OPHN1: variants seen among roughly 807,000 people sequenced by gnomAD.
OPHN1 encodes the protein oligophrenin 1.
A neutral mutation model predicts 60.7 loss-of-function variants in OPHN1; 11 were observed. The observed-to-expected ratio is 0.18, with a 90% CI of 0.11 to 0.30. The LOEUF (loss-of-function observed/expected upper bound fraction) is 0.30, where lower values mean the gene tolerates loss of function less well. Among genes scored for constraint, OPHN1 ranks in the 10% least tolerant of loss-of-function variants. The pLI, the probability that OPHN1 is intolerant of heterozygous loss-of-function variation, is 1.00. For missense variants in OPHN1, 449 were observed against 611.0 expected (o/e 0.73, Z 2.80); for synonymous variants, 226 against 222.6 (o/e 1.02, Z -0.14).
chrX:68,117,060 C>A (rs551451045), intron 16 of OPHN1, among the ~76,000 whole-genome samples: 9 of 111,558 alleles, frequency 8.1e-5, no homozygotes, highest in African/African-American at 2.9e-4. Context: ...TGTTTAAAAT[C>A]TTTCAATATA....
At chrX:68,409,216 G>T (rs1353691393) in intron 2 of OPHN1, among the ~76,000 whole-genome samples, 2 of 111,523 alleles carry the variant, frequency 1.8e-5, no homozygotes, top group African/African-American at 6.5e-5. Context: ...GGCACCAAAA[G>T]GTGAACTGTA....
At chrX:68,392,664 C>T (rs913663094) in intron 2 of OPHN1, among the ~76,000 whole-genome samples, 1 of 109,703 alleles carries the variant, frequency 9.1e-6, no homozygotes, top group South Asian at 4.0e-4. Flanking sequence ...CATATAAACC[C>T]TGATCTCCAG....
At chrX:68,140,706 CT>C (rs767210569) in intron 15 of OPHN1, among the ~76,000 whole-genome samples, 1 of 109,842 alleles carries the variant, frequency 9.1e-6, no homozygotes, top group East Asian at 2.9e-4. Flanking sequence ...AAATAATTGC[CT>C]TTTTGTCCTA....
chrX:68,342,364 A>C (rs2147693115), intron 2 of OPHN1, among the ~76,000 whole-genome samples: 1 of 111,622 alleles, frequency 9.0e-6, no homozygotes, highest in Admixed American at 9.6e-5. Flanking sequence ...AAAATGTAAT[A>C]TGTTATTTGA....
At chrX:68,223,684 A>G (rs1248035964) in intron 6 of OPHN1, among the ~76,000 whole-genome samples, 1 of 111,535 alleles carries the variant, frequency 9.0e-6, no homozygotes, top group Non-Finnish European at 1.9e-5. Flanking sequence ...TTATACCCCT[A>G]AACCTATTGA....
intron 15 of OPHN1, among the ~76,000 whole-genome samples, chrX:68,128,208 C>T (rs1017111652): frequency 5.5e-5 from 6 of 109,910 alleles, no homozygotes; most frequent in Non-Finnish European, 9.5e-5. Flanking sequence ...CACCACCATG[C>T]CCAGCAATTT....
At chrX:68,066,102 A>G (rs1385995982) in intron 20 of OPHN1, among the ~76,000 whole-genome samples, 2 of 112,632 alleles carry the variant, frequency 1.8e-5, no homozygotes, top group East Asian at 5.6e-4. Flanking sequence ...CCAAATAACT[A>G]GAGCCTCTGG....
At position 68,348,535 on chromosome X, in the gene OPHN1, T is replaced by TC. The variant is rs1228325030; in HGVS notation, c.155-49440dup. ...TATACTTAGAAAAGACTAGAATATG[T>TC]CAAAAAAAAAAAGTGGTTGTTACTG... On this transcript the variant is annotated intron_variant, in intron 2 of 24. Coordinates refer to ENST00000355520, the MANE Select transcript of OPHN1 (RefSeq NM_002547.3). Among the ~76,000 whole-genome samples, 10 of 90,120 alleles carry TC rather than the reference T, an allele frequency of 1.1e-4. No homozygotes were observed. The East Asian group carries it at 2.7e-3, about 25-fold the overall frequency. The allele number at this position is 90,120 out of a possible 115,157, so 78.3% of individuals were successfully genotyped here.
chrX:68,418,161 G>T (rs1451125170), intron 2 of OPHN1, among the ~76,000 whole-genome samples: 1 of 111,932 alleles, frequency 8.9e-6, no homozygotes, highest in African/African-American at 3.2e-5. Context: ...GAGCCCCTCT[G>T]AATGTCAGAG....
intron 21 of OPHN1, among the ~76,000 whole-genome samples, chrX:68,058,218 T>C (rs1269718641): frequency 9.1e-6 from 1 of 109,529 alleles, no homozygotes; most frequent in African/African-American, 3.4e-5. Context: ...GTATTCAATA[T>C]GGGGGTTTTG....
intron 2 of OPHN1, among the ~76,000 whole-genome samples, chrX:68,424,713 G>A (rs2078845835): frequency 9.0e-6 from 1 of 111,525 alleles, no homozygotes; most frequent in African/African-American, 3.3e-5. Context: ...GGCAAGTCAA[G>A]CTAAAATCTT....
chrX:68,327,788 TAAAAAAAATA>T (rs2078271446), intron 2 of OPHN1, among the ~76,000 whole-genome samples: 3 of 47,056 alleles, frequency 6.4e-5, no homozygotes, highest in Non-Finnish European at 1.1e-4. Flanking sequence ...AAATAAAAAA[TAAAAAAAATA>T]AAAAAAAAAA....
rs753935456 is a variant in OPHN1, at chrX:68,233,092, T to C, written c.486+1395A>G. Among the ~76,000 whole-genome samples the C allele has an allele frequency of 5.4e-5, 6 of 110,888 alleles. No individual in the cohort carries two copies. The South Asian group carries it at 2.4e-3, about 44-fold the overall frequency. On this transcript the variant is annotated intron_variant, in intron 6 of 24. Transcript: ENST00000355520. ...TACAGACATGTGCCACTATGCCCGGTTAATTTTGTATTTTTAGTAGAGCTG... is the reference window on the plus strand; with the variant it reads ...TACAGACATGTGCCACTATGCCCGGCTAATTTTGTATTTTTAGTAGAGCTG...
At chrX:68,059,415 A>G (rs1312608291) in intron 21 of OPHN1, among the ~76,000 whole-genome samples, 2 of 111,478 alleles carry the variant, frequency 1.8e-5, no homozygotes, top group Non-Finnish European at 3.8e-5. Context: ...GTCACCTAGA[A>G]TTACCTCTTT....
At chrX:68,061,214 T>A (rs975982542) in intron 21 of OPHN1, among the ~76,000 whole-genome samples, 2 of 111,946 alleles carry the variant, frequency 1.8e-5, no homozygotes, top group South Asian at 3.8e-4. Context: ...ATTTAGATAG[T>A]TAGGCTGATA....
intron 15 of OPHN1, among the ~76,000 whole-genome samples, chrX:68,152,274 C>G (rs2077288257): frequency 9.1e-6 from 1 of 110,405 alleles, no homozygotes; most frequent in South Asian, 4.0e-4. Flanking sequence ...ACAAACACGT[C>G]CTTCTCTTTT....
At chrX:68,185,672 G>A (rs749080702) in intron 15 of OPHN1, among the ~76,000 whole-genome samples, 342 of 107,670 alleles carry the variant, frequency 3.2e-3, no homozygotes, top group African/African-American at 0.011. Context: ...AAGAATAAGA[G>A]AAAAAAAAAG....
At position 68,417,075 on chromosome X, in the gene OPHN1, A is replaced by ATATTTATT. The variant is rs200001381; in HGVS notation, c.154+15784_154+15791dup. 6.8e-3 allele frequency among the ~76,000 whole-genome samples: 690 copies of ATATTTATT among 101,355 alleles called. 30 individuals are homozygous for ATATTTATT. The highest frequency in any genetic ancestry group is 0.06 in the Admixed American group (540 of 8,948). 88.0% of individuals were successfully genotyped at this position (101,355 alleles called of 115,157 possible). A position where few individuals can be genotyped will look rare whatever the true frequency, so the allele number is the denominator to read the frequency against. On this transcript the variant is annotated intron_variant, in intron 2 of 24. Transcript: ENST00000355520. ...AGAAATCGAGTTACTATTCCTTTTT[A>ATATTTATT]TATTTATTTATTTATTTATTTATTT... is the stretch of plus-strand genomic sequence containing the variant.
At chrX:68,338,971 G>A (rs940659372) in intron 2 of OPHN1, among the ~76,000 whole-genome samples, 5 of 106,864 alleles carry the variant, frequency 4.7e-5, no homozygotes, top group African/African-American at 1.0e-4. Context: ...CCAGCTATTC[G>A]GGGAGCCAAG....
Sources: gnomAD v4.1 joint callset for allele counts (sites outside exome capture counted in the v4.1 genomes callset) on GRCh38, gnomAD v4.1.1 for gene constraint, MANE v1.5 for transcripts, NCBI Gene and HGNC (gene_info 2026-07-23, HGNC 2026-07-21) for gene names.